KIAA0319L: variants seen among roughly 807,000 people sequenced by gnomAD.
The protein encoded by KIAA0319L is dyslexia-associated protein KIAA0319-like protein.
A neutral mutation model predicts 120.1 loss-of-function variants in KIAA0319L; 55 were observed. That is an observed-to-expected ratio of 0.46 (90% CI 0.37 to 0.57). The LOEUF (loss-of-function observed/expected upper bound fraction) is 0.57. Among genes scored for constraint, KIAA0319L ranks in the 20% least tolerant of loss-of-function variants. The pLI, the probability that KIAA0319L is intolerant of heterozygous loss-of-function variation, is 0.00. For missense variants in KIAA0319L, 1,049 were observed against 1,255.3 expected, an observed-to-expected ratio of 0.84 and a Z score of 2.48; for synonymous variants, 398 against 471.9, an observed-to-expected ratio of 0.84 and a Z score of 2.03.
Position 35,507,034 on chromosome 1 carries a change from GAGAGGGGGTTCCTTCA to G in KIAA0319L, c.228_243del (p.Glu77SerfsTer20), listed in dbSNP as rs756772958. ...CAGCAGGCAGCCCAACATGACTGGA[GAGAGGGGGTTCCTTCA>G]AGAAGCCAGAGGTGATTTTCTCCCC... is the stretch of plus-strand genomic sequence containing the variant. On this transcript the variant is annotated frameshift_variant, in exon 3 of 21. Transcript: ENST00000325722. LOFTEE classifies it high-confidence loss of function. The G allele has an allele frequency of 6.2e-7, 1 of 1,608,342 alleles. No homozygotes were observed. The highest frequency in any genetic ancestry group is 8.5e-7 in the Non-Finnish European group (1 of 1,177,308).
chr1:35,447,766 CT>C (rs1641742737), intron 16 of KIAA0319L, among the ~76,000 whole-genome samples: 1 of 151,894 alleles, frequency 6.6e-6, no homozygotes, highest in Non-Finnish European at 1.5e-5. Flanking sequence ...GAGGTGGGGT[CT>C]TGTTATGTTG....
chr1:35,479,150 A>T lies in KIAA0319L; in HGVS notation c.729T>A (p.Gly243=). The T allele has an allele frequency of 6.2e-7, 1 of 1,614,082 alleles. No homozygotes were observed. The highest frequency in any genetic ancestry group is 8.5e-7 in the Non-Finnish European group (1 of 1,179,924). The change falls in exon 4 of 21, where the codon GGT becomes GGA. Residue 243 remains glycine, a synonymous_variant. Transcript: ENST00000325722. ...GTTGCACTGATACATTCTTTGGCCC[A>T]CCAGACAGCTCTGCAGTCAGGTCTG... ...LTTDLTAELS[G]GPKNVSVQPE...
intron 5 of KIAA0319L, among the ~76,000 whole-genome samples, chr1:35,471,443 T>A (rs1327684306): frequency 6.6e-6 from 1 of 152,168 alleles, no homozygotes; most frequent in Non-Finnish European, 1.5e-5. Flanking sequence ...CCCTGGTGAG[T>A]TAAAAGAGCT....
chr1:35,466,671 T>G lies in KIAA0319L; in HGVS notation c.1138A>C (p.Lys380Gln), dbSNP rs1643284926. 1.2e-6 allele frequency: 2 copies of G among 1,613,364 alleles called. No individual in the cohort carries two copies. The highest frequency in any genetic ancestry group is 1.7e-6 in the Non-Finnish European group (2 of 1,179,362). The change falls in exon 7 of 21, where the codon AAA becomes CAA. Residue 380 changes from lysine (K) to glutamine (Q), a missense_variant. Coordinates refer to ENST00000325722, the MANE Select transcript of KIAA0319L (RefSeq NM_024874.5). ...GCATTTTGACCCTCTACAATCACTT[T>G]GAATTCATACAGGCCTGGAGTGAGC... Reference protein sequence around the residue: ...SKLTPGLYEFKVIVEGQNAHG... With the variant: ...SKLTPGLYEFQVIVEGQNAHG...
chr1:35,451,817 G>A (rs1284119782), intron 12 of KIAA0319L, 41 bp from the exon 13 acceptor site: 2 of 1,605,336 alleles, frequency 1.2e-6, no homozygotes, highest in East Asian at 2.2e-5. Flanking sequence ...GTACCTGTCT[G>A]CTGCTGTCCT....
At chr1:35,543,503 C>A (rs1011355931) in intron 2 of KIAA0319L, among the ~76,000 whole-genome samples, 4 of 152,160 alleles carry the variant, frequency 2.6e-5, no homozygotes, top group African/African-American at 9.7e-5. Flanking sequence ...CCTAAAAAGT[C>A]TCCTGAAAAT....
At chr1:35,466,719 T>A in intron 6 of KIAA0319L, 24 bp from the exon 7 acceptor site, 1 of 1,473,566 alleles carries the variant, frequency 6.8e-7, no homozygotes, top group Non-Finnish European at 9.5e-7. Flanking sequence ...AGAAGATCTC[T>A]TAGACAATCA....
chr1:35,478,909 A>C, intron 4 of KIAA0319L, 57 bp downstream of exon 4: 1 of 1,574,052 alleles, frequency 6.4e-7, no homozygotes, highest in Non-Finnish European at 8.7e-7. Context: ...CTAAAAGGGA[A>C]TACTTTGATC....
intron 2 of KIAA0319L, among the ~76,000 whole-genome samples, chr1:35,553,251 C>G (rs2148520570): frequency 6.6e-6 from 1 of 152,034 alleles, no homozygotes; most frequent in Non-Finnish European, 1.5e-5. Flanking sequence ...TGATTTTTCC[C>G]TATTCTGATG....
intron 2 of KIAA0319L, among the ~76,000 whole-genome samples, chr1:35,517,863 AC>A (rs1415704842): frequency 6.6e-6 from 1 of 152,252 alleles, no homozygotes; most frequent in African/African-American, 2.4e-5. Flanking sequence ...AGGAAGCTAA[AC>A]AAATTTACAA....
intron 2 of KIAA0319L, among the ~76,000 whole-genome samples, chr1:35,544,752 T>C (rs1646919808): frequency 6.6e-6 from 1 of 152,222 alleles, no homozygotes; most frequent in South Asian, 2.1e-4. Flanking sequence ...AGTAGACTTC[T>C]GCTCGAAGCC....
At chr1:35,505,249 C>G (rs183871672) in intron 3 of KIAA0319L, among the ~76,000 whole-genome samples, 23 of 152,192 alleles carry the variant, frequency 1.5e-4, no homozygotes, top group South Asian at 1.2e-3. Context: ...TTGTAATATT[C>G]CCAGTATCCA....
intron 3 of KIAA0319L, among the ~76,000 whole-genome samples, chr1:35,483,034 C>A (rs750466773): frequency 1.2e-4 from 18 of 152,134 alleles, no homozygotes; most frequent in Non-Finnish European, 1.9e-4. Flanking sequence ...TTATCGGACA[C>A]CTGTATAACC....
At chr1:35,511,427 A>T (rs1645440037) in intron 2 of KIAA0319L, 1 of 152,366 alleles carries the variant, frequency 6.6e-6, no homozygotes. Context: ...CAACATAAGA[A>T]AATTTATAAC....
At chr1:35,521,225 C>G (rs1618735) in intron 2 of KIAA0319L, among the ~76,000 whole-genome samples, 9 of 151,852 alleles carry the variant, frequency 5.9e-5, no homozygotes, top group African/African-American at 2.2e-4. Flanking sequence ...GTAATCCCAG[C>G]AACTGGGGGA....
intron 4 of KIAA0319L, among the ~76,000 whole-genome samples, chr1:35,476,131 A>G (rs1263839411): frequency 6.6e-6 from 1 of 152,208 alleles, no homozygotes; most frequent in Non-Finnish European, 1.5e-5. Context: ...TCTTTATACT[A>G]TTCACCAGCT....
intron 16 of KIAA0319L, among the ~76,000 whole-genome samples, chr1:35,444,571 A>C (rs1242126273): frequency 6.6e-6 from 1 of 152,204 alleles, no homozygotes; most frequent in Admixed American, 6.5e-5. Context: ...GTTATGTCTG[A>C]CTACAAAGTC....
intron 2 of KIAA0319L, among the ~76,000 whole-genome samples, chr1:35,512,251 G>C (rs376048572): frequency 2.7e-5 from 4 of 148,308 alleles, no homozygotes; most frequent in African/African-American, 1.0e-4. Context: ...CTGGACAACA[G>C]AGCAAGACTC....
Position 35,449,912 on chromosome 1 carries a change from T to A in KIAA0319L, c.2308A>T (p.Lys770Ter). The stretch of plus-strand genomic sequence containing the variant: ...GTCCGGTCTGTGTCACTCTCACCCT[T>A]TGCATCGGTCACTTTCAGGTGAAAA... ...YTFHLKVTDA[K>*]GESDTDRTTV... Residue 770 changes from lysine (K) to a stop codon, truncating the protein, a stop_gained, in exon 15 of 21, where the codon AAG becomes TAG. Transcript: ENST00000325722. LOFTEE classifies it high-confidence loss of function. The A allele has an allele frequency of 6.2e-7, 1 of 1,614,070 alleles. No individual in the cohort carries two copies. The highest frequency in any genetic ancestry group is 8.5e-7 in the Non-Finnish European group (1 of 1,179,944).
Sources: gnomAD v4.1 joint callset for allele counts (sites outside exome capture counted in the v4.1 genomes callset) on GRCh38, gnomAD v4.1.1 for gene constraint, MANE v1.5 for transcripts, NCBI Gene and HGNC (gene_info 2026-07-23, HGNC 2026-07-21) for gene names.